Variants in RNGTT observed in about 807,000 individuals in gnomAD.
The protein encoded by RNGTT is mRNA-capping enzyme.
In RNGTT, 33 loss-of-function variants were observed where a neutral mutation model predicts 79.3. The observed-to-expected ratio is 0.42, with a 90% CI of 0.32 to 0.56. RNGTT has a LOEUF of 0.56. Ranked by LOEUF, RNGTT falls within the 20% of genes least tolerant of loss-of-function variation. The pLI, the probability that RNGTT is intolerant of heterozygous loss-of-function variation, is 0.17. For synonymous variants in RNGTT, 222 were observed against 235.9 expected (o/e 0.94, Z 0.54); for missense variants, 497 against 739.1 (o/e 0.67, Z 3.80).
chr6:88,668,973 G>C (rs2127785536), intron 14 of RNGTT, among the ~76,000 whole-genome samples: 1 of 152,226 alleles, frequency 6.6e-6, no homozygotes, highest in East Asian at 1.9e-4. Flanking sequence ...GGGCCACCTG[G>C]AAAAAGGATG....
At chr6:88,780,787 G>A (rs1779037218) in intron 12 of RNGTT, among the ~76,000 whole-genome samples, 1 of 152,172 alleles carries the variant, frequency 6.6e-6, no homozygotes, top group Non-Finnish European at 1.5e-5. Flanking sequence ...AACAGAACCT[G>A]GCTTAGAGGT....
intron 12 of RNGTT, among the ~76,000 whole-genome samples, chr6:88,777,191 T>C (rs1213525757): frequency 4.6e-5 from 7 of 152,198 alleles, no homozygotes; most frequent in Admixed American, 4.6e-4. Flanking sequence ...TCTATTCTGG[T>C]CCACTGGTCT....
intron 13 of RNGTT, among the ~76,000 whole-genome samples, chr6:88,743,645 A>G (rs1442789224): frequency 7.2e-5 from 11 of 152,158 alleles, no homozygotes; most frequent in Admixed American, 7.2e-4. Flanking sequence ...AGCATATGTC[A>G]GAATTTCCTA....
At chr6:88,927,357 T>C (rs1784354846) in intron 4 of RNGTT, among the ~76,000 whole-genome samples, 2 of 151,992 alleles carry the variant, frequency 1.3e-5, no homozygotes. Flanking sequence ...TGAAACCCCA[T>C]CTCTACTAAA....
chr6:88,622,964 T>C (rs972218095), intron 14 of RNGTT, among the ~76,000 whole-genome samples: 1 of 152,076 alleles, frequency 6.6e-6, no homozygotes, highest in East Asian at 1.9e-4. Flanking sequence ...ATAATGCCTA[T>C]GGAGAAAATA....
At chr6:88,759,371 C>T (rs1778130380) in intron 13 of RNGTT, among the ~76,000 whole-genome samples, 1 of 152,134 alleles carries the variant, frequency 6.6e-6, no homozygotes, top group South Asian at 2.1e-4. Context: ...CTCTGAAGAT[C>T]TCTGGTTCTT....
At chr6:88,876,137 C>T (rs1483323420) in intron 8 of RNGTT, among the ~76,000 whole-genome samples, 6 of 152,120 alleles carry the variant, frequency 3.9e-5, no homozygotes, top group African/African-American at 1.2e-4. Flanking sequence ...CCCCTATAAT[C>T]GAGGGTGAAC....
At chr6:88,694,910 A>G (rs556636973) in intron 13 of RNGTT, among the ~76,000 whole-genome samples, 90 of 152,226 alleles carry the variant, frequency 5.9e-4, no homozygotes, top group African/African-American at 2.1e-3. Flanking sequence ...CCCTTGATTA[A>G]CACACCAGCC....
Position 88,923,977 on chromosome 6 carries a change from A to T in RNGTT, c.367+5008T>A, listed in dbSNP as rs6924125. 4.7e-3 allele frequency among the ~76,000 whole-genome samples: 709 copies of T among 152,282 alleles called. 5 individuals carry two copies. Among genetic ancestry groups the T allele is most frequent in the African/African-American group, 0.016 (658 of 41,556 alleles). Reference sequence around the variant, plus strand: ...AGAGCAACGTGCCCCTGGCAGCCCCAGGGAGAGGAAGGGGAAGCCACCGGG... The same window carrying T: ...AGAGCAACGTGCCCCTGGCAGCCCCTGGGAGAGGAAGGGGAAGCCACCGGG... On this transcript the variant is annotated intron_variant, in intron 4 of 15. Coordinates refer to ENST00000369485, the MANE Select transcript of RNGTT (RefSeq NM_003800.5).
intron 12 of RNGTT, among the ~76,000 whole-genome samples, chr6:88,783,053 G>A (rs906067464): frequency 1.6e-4 from 24 of 152,062 alleles, no homozygotes; most frequent in African/African-American, 5.8e-4. Flanking sequence ...GTATGTATCT[G>A]GAAGTATTGA....
intron 11 of RNGTT, among the ~76,000 whole-genome samples, chr6:88,840,647 C>T (rs999220759): frequency 3.4e-4 from 52 of 152,320 alleles, no homozygotes; most frequent in South Asian, 8.3e-4. Flanking sequence ...GATCCAAGTG[C>T]CTTGGCCTTC....
chr6:88,929,447 A>G (rs1784417984), intron 2 of RNGTT, among the ~76,000 whole-genome samples, 180 bp from the exon 3 acceptor site: 1 of 152,196 alleles, frequency 6.6e-6, no homozygotes, highest in Non-Finnish European at 1.5e-5. Flanking sequence ...TCAAGACACT[A>G]AAACTAAGCA....
intron 13 of RNGTT, among the ~76,000 whole-genome samples, chr6:88,697,483 G>A (rs561953137): frequency 2.6e-5 from 4 of 151,926 alleles, no homozygotes; most frequent in South Asian, 2.1e-4. Flanking sequence ...CCTGGGAGGC[G>A]GAGCTTGTAG....
intron 11 of RNGTT, among the ~76,000 whole-genome samples, chr6:88,838,640 T>C (rs1204061515): frequency 6.6e-6 from 1 of 151,998 alleles, no homozygotes; most frequent in African/African-American, 2.4e-5. Flanking sequence ...ATATGCCAGG[T>C]TGATGAACTA....
intron 14 of RNGTT, among the ~76,000 whole-genome samples, chr6:88,645,390 G>T (rs922804023): frequency 6.6e-6 from 1 of 152,096 alleles, no homozygotes; most frequent in African/African-American, 2.4e-5. Flanking sequence ...CATGCTCATG[G>T]GTAGGAAGAA....
Position 88,898,128 on chromosome 6 carries a change from G to A in RNGTT, c.685-6213C>T, listed in dbSNP as rs188214780. ...GAGTTATTCTAATAAATCTCCAGAA[G>A]TGAGGGTGGTACAGGGAACCCCTAA... is the stretch of plus-strand genomic sequence containing the variant. On this transcript the variant is annotated intron_variant, in intron 6 of 15. Coordinates refer to ENST00000369485, the MANE Select transcript of RNGTT (RefSeq NM_003800.5). Among the ~76,000 whole-genome samples the A allele has an allele frequency of 3.6e-3, 548 of 152,238 alleles. 10 individuals carry two copies. Among genetic ancestry groups the A allele is most frequent in the Non-Finnish European group, 1.0e-3 (71 of 68,020 alleles).
intron 14 of RNGTT, among the ~76,000 whole-genome samples, chr6:88,654,883 G>T (rs1042325936): frequency 3.3e-5 from 5 of 152,108 alleles, no homozygotes; most frequent in East Asian, 1.9e-4. Flanking sequence ...AAACAAAATG[G>T]CATCACACAT....
Position 88,844,357 on chromosome 6 carries a change from C to T in RNGTT, c.1269G>A (p.Lys423=). 1 of 1,606,674 alleles carries T rather than the reference C, an allele frequency of 6.2e-7. No homozygotes were observed. The highest frequency in any genetic ancestry group is 8.5e-7 in the Non-Finnish European group (1 of 1,178,036). Residue 423 remains lysine, a splice_region_variant and synonymous_variant, in exon 11 of 16, where the codon AAG becomes AAA. Transcript: ENST00000369485. ...AATTTAAAAAAAAATTAAACTTTAC[C>T]TTTCTTGAAGTACAGATGTCAAAAA... is the stretch of plus-strand genomic sequence containing the variant. ...KPFFDICTSR[K]LLEGNFAKEV... is the part of the protein sequence containing the mutation.
At chr6:88,914,555 TAA>T (rs1783937634) in intron 4 of RNGTT, among the ~76,000 whole-genome samples, 1 of 152,044 alleles carries the variant, frequency 6.6e-6, no homozygotes, top group Non-Finnish European at 1.5e-5. Flanking sequence ...CCCTATTCGA[TAA>T]AGTGTGCTAG....
Sources: gnomAD v4.1 joint callset for allele counts (sites outside exome capture counted in the v4.1 genomes callset) on GRCh38, gnomAD v4.1.1 for gene constraint, MANE v1.5 for transcripts, NCBI Gene and HGNC (gene_info 2026-07-23, HGNC 2026-07-21) for gene names.